Variants in MAEA observed in about 807,000 individuals in gnomAD.
MAEA encodes E3 ubiquitin-protein transferase MAEA.
Under a neutral mutation model 46.2 loss-of-function variants are expected in MAEA, and 22 were observed. The ratio of observed to expected loss-of-function variants is 0.48; its 90% confidence interval spans 0.34 to 0.68. MAEA has a LOEUF of 0.68. MAEA is among the 30% of genes least tolerant of loss of function. The probability of loss-of-function intolerance (pLI) is 0.01; values close to 1 mark genes in which losing one functional copy is unlikely to be tolerated. For missense variants in MAEA, 393 were observed against 558.1 expected, an observed-to-expected ratio of 0.70 and a Z score of 2.98; for synonymous variants, 246 against 222.6, an observed-to-expected ratio of 1.11 and a Z score of -0.94.
chr4:1,327,336 G>A (rs1311900209), intron 4 of MAEA, among the ~76,000 whole-genome samples: 2 of 152,244 alleles, frequency 1.3e-5, no homozygotes, highest in Non-Finnish European at 2.9e-5. Context: ...TGTGCTCCTG[G>A]AAGCGCCCTG....
chr4:1,308,423 A>C (rs1318976069), intron 1 of MAEA, among the ~76,000 whole-genome samples: 1 of 152,084 alleles, frequency 6.6e-6, no homozygotes, highest in Non-Finnish European at 1.5e-5. Flanking sequence ...GTGTGCAGAT[A>C]CCTCCTGGGA....
At chr4:1,293,750 A>G (rs1332298683) in intron 1 of MAEA, among the ~76,000 whole-genome samples, 2 of 152,224 alleles carry the variant, frequency 1.3e-5, no homozygotes, top group South Asian at 2.1e-4. Flanking sequence ...TTGTGGTTGC[A>G]TTCTCAGGTG....
At chr4:1,313,903 A>G (rs1056816684) in intron 2 of MAEA, among the ~76,000 whole-genome samples, 1 of 151,198 alleles carries the variant, frequency 6.6e-6, no homozygotes, top group Non-Finnish European at 1.5e-5. Context: ...GCGTGGTGAC[A>G]CACACCTGTA....
chr4:1,339,287 TC>T lies in MAEA; in HGVS notation c.*120del, dbSNP rs891883469. 2.8e-6 allele frequency: 2 copies of T among 722,880 alleles called. No individual in the cohort carries two copies. The highest frequency in any genetic ancestry group is 3.5e-5 in the African/African-American group (2 of 56,796). The allele number at this position is 722,880 out of a possible 1,614,324, so 44.8% of individuals were successfully genotyped here. A position where few individuals can be genotyped will look rare whatever the true frequency, so the allele number is the denominator to read the frequency against. On this transcript the variant is annotated 3_prime_UTR_variant, in exon 9 of 9. Coordinates refer to ENST00000303400, the MANE Select transcript of MAEA (RefSeq NM_001017405.3). ...CGTTTCTGTTTCTTGCGACCAAAGA[TC>T]CGTGAGCAACGATAAATACTCTTAG...
Position 1,339,978 on chromosome 4 carries a change from A to C in MAEA, c.*809A>C, listed in dbSNP as rs1248848678. ...TTACAGAAATTAATCGTTCAGTTGAAAGAAGTACTGATGACTTTTCAAAAC... is the reference window on the plus strand; with the variant it reads ...TTACAGAAATTAATCGTTCAGTTGACAGAAGTACTGATGACTTTTCAAAAC... On this transcript the variant is annotated 3_prime_UTR_variant, in exon 9 of 9. Coordinates refer to ENST00000303400, the MANE Select transcript of MAEA (RefSeq NM_001017405.3). The C allele has an allele frequency of 4.6e-5, 7 of 152,690 alleles. No individual in the cohort carries two copies. The highest frequency in any genetic ancestry group is 4.6e-4 in the Admixed American group (7 of 15,284). 9.5% of individuals were successfully genotyped at this position (152,690 alleles called of 1,614,324 possible). A position where few individuals can be genotyped will look rare whatever the true frequency, so the allele number is the denominator to read the frequency against.
intron 7 of MAEA, 145 bp downstream of exon 7, chr4:1,337,139 C>T (rs1373904299): frequency 9.7e-7 from 1 of 1,028,190 alleles, no homozygotes; most frequent in African/African-American, 1.6e-5. Flanking sequence ...TGCGTGGTGT[C>T]TGGATGGTCG....
In MAEA at chr4:1,339,060, G is replaced by A. The variant is rs546884664; in HGVS notation, c.1096-14G>A. On this transcript the variant is annotated splice_polypyrimidine_tract_variant and intron_variant, in intron 8 of 8. Coordinates refer to ENST00000303400, the MANE Select transcript of MAEA (RefSeq NM_001017405.3). Reference sequence around the variant, plus strand: ...AGTCGCTTGCCTTAATGCATTCCCGGTTTTATTTTTCAGTCTCTGCTTTCT... The same window carrying A: ...AGTCGCTTGCCTTAATGCATTCCCGATTTTATTTTTCAGTCTCTGCTTTCT... 1 of 1,608,414 alleles carries A rather than the reference G, an allele frequency of 6.2e-7. No homozygotes were observed. The highest frequency in any genetic ancestry group is 2.2e-5 in the East Asian group (1 of 44,834).
At chr4:1,322,944 T>C (rs13114968) in intron 4 of MAEA, among the ~76,000 whole-genome samples, 12,455 of 38,222 alleles carry the variant, frequency 0.33, 1,431 homozygotes, top group Non-Finnish European at 0.35. Flanking sequence ...GAATACCCAC[T>C]TTTTTTTTTT....
At chr4:1,314,020 T>C (rs1306087712) in intron 2 of MAEA, among the ~76,000 whole-genome samples, 1 of 150,952 alleles carries the variant, frequency 6.6e-6, no homozygotes, top group African/African-American at 2.4e-5. Context: ...GGCAACAGAG[T>C]GAGACACTGT....
At chr4:1,317,957 T>C (rs1305604981) in intron 3 of MAEA, among the ~76,000 whole-genome samples, 1 of 152,092 alleles carries the variant, frequency 6.6e-6, no homozygotes, top group Non-Finnish European at 1.5e-5. Context: ...CCCCATCTGG[T>C]GCCATTTTTC....
At chr4:1,316,570 A>G (rs1164726641) in intron 3 of MAEA, among the ~76,000 whole-genome samples, 1 of 151,870 alleles carries the variant, frequency 6.6e-6, no homozygotes, top group African/African-American at 2.4e-5. Flanking sequence ...GCCTGGCCCC[A>G]CAGGCCTCCC....
chr4:1,291,988 G>A (rs192684559), intron 1 of MAEA, among the ~76,000 whole-genome samples: 37 of 152,288 alleles, frequency 2.4e-4, no homozygotes, highest in African/African-American at 8.4e-4. Flanking sequence ...GGAAACTAGG[G>A]ATCCTTGATT....
intron 2 of MAEA, among the ~76,000 whole-genome samples, chr4:1,314,171 T>C (rs533960749): frequency 1.3e-5 from 2 of 150,514 alleles, no homozygotes; most frequent in East Asian, 4.0e-4. Flanking sequence ...CTATTAAAAA[T>C]ACAAAAAAAT....
rs1560365283 is a variant in MAEA, at chr4:1,320,843, GTAA to G, written c.457-1536_457-1534del. Reference sequence around the variant, plus strand: ...AGGCCGGGCACGGTGGCTCACGCCTGTAATCCCAGCACTCTGGGAGGCCAAGGT... The same window carrying G: ...AGGCCGGGCACGGTGGCTCACGCCTGTCCCAGCACTCTGGGAGGCCAAGGT... On this transcript the variant is annotated intron_variant, in intron 3 of 8. Transcript: ENST00000303400. Among the ~76,000 whole-genome samples, 107 of 151,842 alleles carry G rather than the reference GTAA, an allele frequency of 7.0e-4. 1 individual carries two copies. The highest frequency in any genetic ancestry group is 2.3e-3 in the African/African-American group (95 of 41,448).
At chr4:1,294,939 C>T (rs1467565272) in intron 1 of MAEA, among the ~76,000 whole-genome samples, 1 of 152,046 alleles carries the variant, frequency 6.6e-6, no homozygotes, top group African/African-American at 2.4e-5. Context: ...CTGGCCGGCT[C>T]TCACCCCAGT....
chr4:1,338,751 CG>C (rs1553872191), intron 8 of MAEA, 134 bp downstream of exon 8: 1 of 318,426 alleles, frequency 3.1e-6, no homozygotes. Context: ...ACGGGCAGGG[CG>C]GGGGGCCAGG....
rs1713178636 is a variant in MAEA at position 1,338,983 on chromosome 4, T to C, written c.1096-91T>C. 7.4e-6 allele frequency: 8 copies of C among 1,081,398 alleles called. No homozygotes were observed. The East Asian group carries it at 1.2e-4, about 16-fold the overall frequency. 67.0% of individuals were successfully genotyped at this position (1,081,398 alleles called of 1,614,324 possible). ...AACTTTGCCTGAGAGGATGAGTCATTCCCTGGTGGTTCATTGTGGGGATTT... is the reference window on the plus strand; with the variant it reads ...AACTTTGCCTGAGAGGATGAGTCATCCCCTGGTGGTTCATTGTGGGGATTT... On this transcript the variant is annotated intron_variant, in intron 8 of 8. Coordinates refer to ENST00000303400, the MANE Select transcript of MAEA (RefSeq NM_001017405.3).
At position 1,297,454 on chromosome 4, in the gene MAEA, C is replaced by CGTGTGTGTGTGTGTGTGTGT. The variant is rs368069067; in HGVS notation, c.69+7475_69+7476insTGTGTGTGTGTGTGTGTGTG. On this transcript the variant is annotated intron_variant, in intron 1 of 8. Coordinates refer to ENST00000303400, the MANE Select transcript of MAEA (RefSeq NM_001017405.3). The stretch of plus-strand genomic sequence containing the variant: ...AGCTTTGGAGGAGCCTGAAAAAGTA[C>CGTGTGTGTGTGTGTGTGTGT]GTGCGTATGTGTGTGTGTATACATA... Among the ~76,000 whole-genome samples, 429 of 150,592 alleles carry CGTGTGTGTGTGTGTGTGTGT rather than the reference C, an allele frequency of 2.8e-3. 9 individuals carry two copies. The highest frequency in any genetic ancestry group is 9.5e-3 in the African/African-American group (381 of 40,158).
At chr4:1,336,442 C>T (rs1712775036) in intron 6 of MAEA, among the ~76,000 whole-genome samples, 1 of 151,562 alleles carries the variant, frequency 6.6e-6, no homozygotes, top group Non-Finnish European at 1.5e-5. Flanking sequence ...ACTCACCCCA[C>T]AGCATGTTAA....
Sources: gnomAD v4.1 joint callset for allele counts (sites outside exome capture counted in the v4.1 genomes callset) on GRCh38, gnomAD v4.1.1 for gene constraint, MANE v1.5 for transcripts, NCBI Gene and HGNC (gene_info 2026-07-23, HGNC 2026-07-21) for gene names.